SIK2: variants seen among roughly 807,000 people sequenced by gnomAD.
SIK2 encodes the protein serine/threonine-protein kinase SIK2.
Under a neutral mutation model 103.2 loss-of-function variants are expected in SIK2, and 29 were observed. The ratio of observed to expected loss-of-function variants is 0.28; its 90% confidence interval spans 0.21 to 0.38. The LOEUF is 0.38. SIK2 is among the 10% of genes least tolerant of loss of function. SIK2 has a pLI of 1.00. For synonymous variants in SIK2, 412 were observed against 446.1 expected, an observed-to-expected ratio of 0.92 and a Z score of 0.96; for missense variants, 879 against 1,171.0, an observed-to-expected ratio of 0.75 and a Z score of 3.64.
chr11:111,706,594 T>G (rs1943353778), intron 8 of SIK2, among the ~76,000 whole-genome samples: 1 of 152,160 alleles, frequency 6.6e-6, no homozygotes, highest in Non-Finnish European at 1.5e-5. Flanking sequence ...AGAGTATGTT[T>G]TAAAAAAGGG....
intron 3 of SIK2, among the ~76,000 whole-genome samples, chr11:111,648,543 A>G (rs1942287706): frequency 6.6e-6 from 1 of 152,082 alleles, no homozygotes; most frequent in African/African-American, 2.4e-5. Flanking sequence ...TTAGATTTCA[A>G]CGTATTAATT....
At chr11:111,676,435 C>T (rs1018211770) in intron 3 of SIK2, among the ~76,000 whole-genome samples, 3 of 152,226 alleles carry the variant, frequency 2.0e-5, no homozygotes, top group African/African-American at 7.2e-5. Context: ...TCTTTATGGA[C>T]TTTCTAATAA....
intron 3 of SIK2, chr11:111,671,236 G>A: frequency 3.8e-6 from 1 of 263,192 alleles, no homozygotes; most frequent in South Asian, 4.6e-5. Flanking sequence ...CTTGCAGTAG[G>A]TAGTGATCTC....
At chr11:111,713,679 A>G (rs1042411988) in intron 9 of SIK2, among the ~76,000 whole-genome samples, 1 of 152,212 alleles carries the variant, frequency 6.6e-6, no homozygotes, top group African/African-American at 2.4e-5. Flanking sequence ...GATAAAAGAT[A>G]AAATATGGGC....
At chr11:111,649,607 C>T (rs1942302245) in intron 3 of SIK2, among the ~76,000 whole-genome samples, 1 of 151,930 alleles carries the variant, frequency 6.6e-6, no homozygotes, top group Non-Finnish European at 1.5e-5. Context: ...CTGTGGTAAC[C>T]TAACAAGGAA....
intron 2 of SIK2, among the ~76,000 whole-genome samples, chr11:111,618,968 TC>T (rs1240122532): frequency 1.3e-5 from 2 of 152,274 alleles, no homozygotes; most frequent in East Asian, 3.9e-4. Flanking sequence ...ACTTCTGGGC[TC>T]AAGTGAGCCT....
chr11:111,644,248 C>G (rs2135858399), intron 3 of SIK2, among the ~76,000 whole-genome samples: 1 of 143,156 alleles, frequency 7.0e-6, no homozygotes, highest in African/African-American at 2.6e-5. Flanking sequence ...GAGATCACGC[C>G]ACTGCACTCC....
Position 111,722,107 on chromosome 11 carries a change from CT to C in SIK2, c.2055+168del, listed in dbSNP as rs1943820294. Among the ~76,000 whole-genome samples the C allele has an allele frequency of 6.6e-6, 1 of 152,216 alleles. No individual in the cohort carries two copies. The highest frequency in any genetic ancestry group is 2.1e-4 in the South Asian group (1 of 4,836). On this transcript the variant is annotated intron_variant, in intron 13 of 14. Coordinates refer to ENST00000304987, the MANE Select transcript of SIK2 (RefSeq NM_015191.3). This position sits in a 1 kb window ranked among gnomAD's most constrained non-coding sequence, Gnocchi z 4.4. Reference sequence around the variant, plus strand: ...GGAGTTTCTAGAAACGTGTTCAGATCTAGCTTTGTGCTGTGTGTTGGTGGTG... The same window carrying C: ...GGAGTTTCTAGAAACGTGTTCAGATCAGCTTTGTGCTGTGTGTTGGTGGTG...
intron 1 of SIK2, among the ~76,000 whole-genome samples, chr11:111,606,585 A>G (rs1941651165): frequency 1.3e-5 from 2 of 152,164 alleles, no homozygotes; most frequent in Non-Finnish European, 2.9e-5. Context: ...TTACCTAACA[A>G]TTCCCTTATT....
In SIK2 at chr11:111,688,076, A is replaced by T. The variant is rs1271271316; in HGVS notation, c.392A>T (p.Asp131Val). Reference protein sequence around the residue: ...RKFWQILSAVDYCHGRKIVHR... With the variant: ...RKFWQILSAVVYCHGRKIVHR... The stretch of plus-strand genomic sequence containing the variant: ...TTCTGGCAAATCCTGTCTGCTGTTG[A>T]TTATTGTCATGGTCGGAAGATTGTG... The change falls in exon 4 of 15, where the codon GAT (aspartate) becomes GTT (valine). Residue 131 changes from aspartate to valine, a missense_variant. This residue lies in a region of SIK2 where 126 missense variants were observed against 245.5 expected (regional missense o/e 0.51). Transcript: ENST00000304987. The surrounding 1 kb of genome is among the most constrained non-coding windows in gnomAD (Gnocchi z 4.2). The T allele has an allele frequency of 6.2e-7, 1 of 1,614,028 alleles. No individual in the cohort carries two copies.
In SIK2 at chr11:111,729,301, C is replaced by T. The variant is rs762633963; in HGVS notation, c.*5172C>T. On this transcript the variant is annotated 3_prime_UTR_variant, in exon 15 of 15. Coordinates refer to ENST00000304987, the MANE Select transcript of SIK2 (RefSeq NM_015191.3). ...TAGAGAACCAGGCGGCAGCAGTGCT[C>T]GCAGACCCACCCAGGGAGAGCTGTG... 6.6e-6 allele frequency: 1 copy of T among 152,316 alleles called. No homozygotes were observed. The highest frequency in any genetic ancestry group is 2.4e-5 in the African/African-American group (1 of 41,464). The allele number at this position is 152,316 out of a possible 1,614,324, so 9.4% of individuals were successfully genotyped here.
intron 3 of SIK2, among the ~76,000 whole-genome samples, chr11:111,645,006 G>A (rs1330778095): frequency 6.6e-6 from 1 of 152,140 alleles, no homozygotes. Flanking sequence ...GAGTAGAGCA[G>A]GGGACAAGTC....
At chr11:111,607,918 C>T (rs1485836086) in intron 1 of SIK2, among the ~76,000 whole-genome samples, 1 of 152,114 alleles carries the variant, frequency 6.6e-6, no homozygotes, top group Admixed American at 6.5e-5. Flanking sequence ...CAGTACCAGT[C>T]AATTAAGAAA....
rs911852059 is a variant in SIK2, at chr11:111,724,275, G to A, written c.*146G>A. The A allele has an allele frequency of 2.2e-5, 27 of 1,200,766 alleles. No homozygotes were observed. The highest frequency in any genetic ancestry group is 2.5e-5 in the Non-Finnish European group (22 of 885,544). 74.4% of individuals were successfully genotyped at this position (1,200,766 alleles called of 1,614,324 possible). On this transcript the variant is annotated 3_prime_UTR_variant, in exon 15 of 15. Coordinates refer to ENST00000304987, the MANE Select transcript of SIK2 (RefSeq NM_015191.3). The stretch of plus-strand genomic sequence containing the variant: ...CACCCAACTGGAATCAGAGGGTCTG[G>A]CTGGGGTGGATGTTGCTTCCTCCTG...
At chr11:111,654,287 T>C (rs1942364128) in intron 3 of SIK2, among the ~76,000 whole-genome samples, 1 of 152,228 alleles carries the variant, frequency 6.6e-6, no homozygotes, top group African/African-American at 2.4e-5. Context: ...AGTTAGAGTA[T>C]CTAATTTCCT....
chr11:111,655,104 A>G (rs1446762266), intron 3 of SIK2, among the ~76,000 whole-genome samples: 1 of 152,222 alleles, frequency 6.6e-6, no homozygotes, highest in East Asian at 1.9e-4. Flanking sequence ...AATTTTTCAA[A>G]AAAATGTTTT....
chr11:111,663,223 A>G (rs1299874396), intron 3 of SIK2, among the ~76,000 whole-genome samples: 2 of 108,312 alleles, frequency 1.8e-5, no homozygotes, highest in East Asian at 9.0e-4. Flanking sequence ...ACAGAGTGAG[A>G]CCCTATTTCA....
chr11:111,679,308 A>C (rs1942747096), intron 3 of SIK2, among the ~76,000 whole-genome samples: 1 of 152,212 alleles, frequency 6.6e-6, no homozygotes, highest in Non-Finnish European at 1.5e-5. Flanking sequence ...TATGTAACTA[A>C]AAATTCTCAG....
At chr11:111,703,569 A>G in intron 7 of SIK2, 146 bp downstream of exon 7, 3 of 669,284 alleles carry the variant, frequency 4.5e-6, no homozygotes, top group Non-Finnish European at 7.5e-6. Context: ...ATCAGACTCT[A>G]TTTATATTTG....
Sources: gnomAD v4.1 joint callset for allele counts (sites outside exome capture counted in the v4.1 genomes callset) on GRCh38, gnomAD v4.1.1 for gene constraint, gnomAD v4.1.1 regional missense constraint, Gnocchi (gnomAD v3.1) non-coding constraint, MANE v1.5 for transcripts, NCBI Gene and HGNC (gene_info 2026-07-23, HGNC 2026-07-21) for gene names.